Variants in AK5 observed in about 807,000 individuals in gnomAD.
AK5 encodes the protein adenylate kinase 5.
A neutral mutation model predicts 69.5 loss-of-function variants in AK5; 27 were observed. That is an observed-to-expected ratio of 0.39 (90% confidence interval 0.29 to 0.54). The LOEUF (loss-of-function observed/expected upper bound fraction) is 0.54. AK5 is among the 20% of genes least tolerant of loss of function. The probability of loss-of-function intolerance (pLI) is 0.71; values close to 1 mark genes in which losing one functional copy is unlikely to be tolerated. For missense variants in AK5, 531 were observed against 700.4 expected (o/e 0.76, Z 2.73); for synonymous variants, 260 against 244.4 (o/e 1.06, Z -0.60).
intron 6 of AK5, among the ~76,000 whole-genome samples, chr1:77,348,255 C>G (rs951757091): frequency 6.6e-6 from 1 of 152,070 alleles, no homozygotes; most frequent in Non-Finnish European, 1.5e-5. Flanking sequence ...TGGACAAAAT[C>G]GAGATAATTC....
At chr1:77,458,019 T>C (rs905802347) in intron 8 of AK5, among the ~76,000 whole-genome samples, 4 of 150,626 alleles carry the variant, frequency 2.7e-5, no homozygotes, top group Non-Finnish European at 5.9e-5. Context: ...AGAGGATCAC[T>C]GGAGCCTAGG....
chr1:77,447,142 G>A (rs1652802222), intron 8 of AK5, among the ~76,000 whole-genome samples: 1 of 152,248 alleles, frequency 6.6e-6, no homozygotes, highest in South Asian at 2.1e-4. Context: ...GGTTCAGGCA[G>A]CCAGCAATTC....
At chr1:77,392,977 G>C (rs943109206) in intron 6 of AK5, among the ~76,000 whole-genome samples, 1 of 151,998 alleles carries the variant, frequency 6.6e-6, no homozygotes, top group Non-Finnish European at 1.5e-5. Context: ...CTGTCACCCA[G>C]GCTGGAGTGC....
intron 6 of AK5, among the ~76,000 whole-genome samples, chr1:77,363,766 T>A (rs1646905047): frequency 1.3e-5 from 2 of 152,188 alleles, no homozygotes; most frequent in Admixed American, 6.5e-5. Context: ...TCTCTTCAAG[T>A]CTTTGTTCAA....
intron 10 of AK5, among the ~76,000 whole-genome samples, chr1:77,513,549 G>C (rs2100296880): frequency 6.6e-6 from 1 of 152,320 alleles, no homozygotes; most frequent in South Asian, 2.1e-4. Flanking sequence ...GTCAACAAAA[G>C]TCATTTTAGG....
chr1:77,367,665 TTA>T (rs1234738546), intron 6 of AK5, among the ~76,000 whole-genome samples: 2 of 95,678 alleles, frequency 2.1e-5, no homozygotes, highest in Non-Finnish European at 3.9e-5. Context: ...TATATATATG[TTA>T]TATATAATAT....
At chr1:77,433,283 C>A (rs1651759849) in intron 8 of AK5, among the ~76,000 whole-genome samples, 1 of 152,122 alleles carries the variant, frequency 6.6e-6, no homozygotes, top group African/African-American at 2.4e-5. Context: ...ATAACATTCT[C>A]TCTATAGTCA....
chr1:77,405,298 A>C (rs1649544454), intron 6 of AK5, among the ~76,000 whole-genome samples: 1 of 152,250 alleles, frequency 6.6e-6, no homozygotes, highest in Non-Finnish European at 1.5e-5. Flanking sequence ...CAGCTGCTAC[A>C]CGGGAGAGCA....
chr1:77,376,465 A>AAAAAAGT (rs1647260323), intron 6 of AK5, among the ~76,000 whole-genome samples: 1 of 128,748 alleles, frequency 7.8e-6, no homozygotes, highest in Non-Finnish European at 1.7e-5. Flanking sequence ...AAAAAAAAAC[A>AAAAAAGT]TGTCTTACTT....
intron 5 of AK5, among the ~76,000 whole-genome samples, chr1:77,340,011 T>C (rs1570406499): frequency 6.6e-6 from 1 of 152,218 alleles, no homozygotes; most frequent in African/African-American, 2.4e-5. Context: ...AGTACTTGTT[T>C]GCTGTAGAGA....
intron 8 of AK5, among the ~76,000 whole-genome samples, chr1:77,453,391 T>C (rs548575094): frequency 2.6e-5 from 4 of 152,370 alleles, no homozygotes; most frequent in Admixed American, 2.6e-4. Context: ...TGTTTCATAT[T>C]GTATATATCC....
intron 6 of AK5, among the ~76,000 whole-genome samples, chr1:77,371,137 A>G (rs959618357): frequency 6.6e-6 from 1 of 152,184 alleles, no homozygotes; most frequent in Non-Finnish European, 1.5e-5. Context: ...GTTAAGGCAC[A>G]TCCCCCTTGC....
Position 77,404,368 on chromosome 1 carries a change from G to A in AK5, c.892-6613G>A, listed in dbSNP as rs988980303. ...CAAAAATGTCTCCTGCCATTGCCAC[G>A]TTTCCTTGGGGGAGTGGGGATCGTT... is the stretch of plus-strand genomic sequence containing the variant. On this transcript the variant is annotated intron_variant, in intron 6 of 13. Coordinates refer to ENST00000354567, the MANE Select transcript of AK5 (RefSeq NM_174858.3). Among the ~76,000 whole-genome samples, 95 of 152,018 alleles carry A rather than the reference G, an allele frequency of 6.2e-4. 1 individual carries two copies. Among genetic ancestry groups the A allele is most frequent in the African/African-American group, 2.0e-3 (84 of 41,470 alleles).
chr1:77,321,591 T>C (rs1660537747), intron 5 of AK5, among the ~76,000 whole-genome samples: 1 of 152,176 alleles, frequency 6.6e-6, no homozygotes, highest in African/African-American at 2.4e-5. Flanking sequence ...AAATTGGGAT[T>C]GGAAGGGAAT....
intron 6 of AK5, among the ~76,000 whole-genome samples, chr1:77,374,328 T>A (rs1421412393): frequency 6.6e-6 from 1 of 152,154 alleles, no homozygotes; most frequent in Non-Finnish European, 1.5e-5. Flanking sequence ...CTCCAAGTAG[T>A]TATCATGAAA....
chr1:77,433,432 G>A lies in AK5; in HGVS notation c.1059+15717G>A, dbSNP rs150857876. Among the ~76,000 whole-genome samples the A allele has an allele frequency of 1.1e-3, 160 of 150,114 alleles. 1 individual carries two copies. The East Asian group carries it at 0.015, about 14-fold the overall frequency. ...CTTAAAAACTTCTTGAGGGTAGGAA[G>A]CCAAACCAAAGCTGACTTCAGACTT... On this transcript the variant is annotated intron_variant, in intron 8 of 13. Coordinates refer to ENST00000354567, the MANE Select transcript of AK5 (RefSeq NM_174858.3).
intron 2 of AK5, among the ~76,000 whole-genome samples, chr1:77,288,231 G>T (rs1658475654): frequency 6.6e-6 from 1 of 152,166 alleles, no homozygotes; most frequent in Non-Finnish European, 1.5e-5. Context: ...GTGCTTATCA[G>T]AATTAGGGGT....
intron 6 of AK5, among the ~76,000 whole-genome samples, chr1:77,366,929 A>G (rs1393924462): frequency 1.1e-5 from 1 of 93,424 alleles, no homozygotes; most frequent in Non-Finnish European, 2.4e-5. Context: ...AGGTTTTTAT[A>G]TTAGCCTTCA....
intron 12 of AK5, among the ~76,000 whole-genome samples, chr1:77,527,831 G>A (rs1276172217): frequency 3.9e-5 from 6 of 152,184 alleles, no homozygotes; most frequent in African/African-American, 7.2e-5. Flanking sequence ...AGGCCGAGGC[G>A]GGCAGATCAC....
Sources: gnomAD v4.1 joint callset for allele counts (sites outside exome capture counted in the v4.1 genomes callset) on GRCh38, gnomAD v4.1.1 for gene constraint, MANE v1.5 for transcripts, NCBI Gene and HGNC (gene_info 2026-07-23, HGNC 2026-07-21) for gene names.